The following STXBP5L variants were observed in gnomAD, a reference collection of about 807,000 sequenced individuals.
STXBP5L encodes the protein syntaxin-binding protein 5-like.
A neutral mutation model predicts 144.5 loss-of-function variants in STXBP5L; 65 were observed. The ratio of observed to expected loss-of-function variants is 0.45; its 90% confidence interval spans 0.37 to 0.55. The LOEUF (loss-of-function observed/expected upper bound fraction) is 0.55. Ranked by LOEUF, STXBP5L falls within the 20% of genes least tolerant of loss-of-function variation. The pLI, the probability that STXBP5L is intolerant of heterozygous loss-of-function variation, is 0.00. For missense variants in STXBP5L, 1,298 were observed against 1,405.5 expected (o/e 0.92, Z 1.22); for synonymous variants, 505 against 469.6 (o/e 1.08, Z -0.97).
intron 3 of STXBP5L, among the ~76,000 whole-genome samples, chr3:121,032,425 A>C (rs557389249): frequency 5.9e-5 from 9 of 152,148 alleles, no homozygotes; most frequent in Non-Finnish European, 1.3e-4. Context: ...TCGTGACCTT[A>C]TTAGCCACTA....
intron 3 of STXBP5L, among the ~76,000 whole-genome samples, chr3:121,031,988 A>T (rs1946402789): frequency 1.3e-5 from 2 of 152,276 alleles, no homozygotes. Flanking sequence ...CCAGTTTGTT[A>T]CGTGCTAAGT....
Position 121,318,493 on chromosome 3 carries a change from A to C in STXBP5L, c.2129A>C (p.Asp710Ala), listed in dbSNP as rs767116196. 3.8e-6 allele frequency: 6 copies of C among 1,562,698 alleles called. No homozygotes were observed. The highest frequency in any genetic ancestry group is 8.6e-7 in the Non-Finnish European group (1 of 1,156,132). Reference protein sequence around the residue: ...QFIAGLTELNDSPVPLELERC... With the variant: ...QFIAGLTELNASPVPLELERC... ...TTTTCAGGTTTAACTGAACTGAATG[A>C]CAGTCCAGTTCCCCTAGAACTTGAG... Residue 710 changes from aspartate (D) to alanine (A), a missense_variant, in exon 20 of 27, where the codon GAC becomes GCC. Physicochemically the swap from Asp to Ala is moderately radical, Grantham distance 126. Coordinates refer to ENST00000471454, the MANE Select transcript of STXBP5L (RefSeq NM_001308330.2).
At position 121,053,014 on chromosome 3, in the gene STXBP5L, A is replaced by C. The variant is rs369209623; in HGVS notation, c.470+7479A>C. On this transcript the variant is annotated intron_variant, in intron 5 of 26. Transcript: ENST00000471454. ...ATTCACAATTGCTTCAAAGAGAATA[A>C]AATACCTTGGAATCCACCTTACAGG... Among the ~76,000 whole-genome samples the C allele has an allele frequency of 5.9e-5, 9 of 152,336 alleles. No individual in the cohort carries two copies. In the South Asian group the frequency reaches 1.7e-3, roughly 28 times the overall value.
chr3:121,244,647 A>C (rs2049782828), intron 14 of STXBP5L, among the ~76,000 whole-genome samples: 1 of 152,156 alleles, frequency 6.6e-6, no homozygotes, highest in South Asian at 2.1e-4. Flanking sequence ...AAACTGTCGA[A>C]AATCAAAAAC....
intron 3 of STXBP5L, among the ~76,000 whole-genome samples, chr3:120,969,223 A>G (rs776383514): frequency 1.1e-4 from 16 of 151,350 alleles, no homozygotes; most frequent in Admixed American, 5.3e-4. Context: ...TTAACTTTTA[A>G]TTTATAGCCA....
intron 5 of STXBP5L, among the ~76,000 whole-genome samples, chr3:121,096,980 A>T (rs539146790): frequency 6.6e-6 from 1 of 152,168 alleles, no homozygotes; most frequent in Non-Finnish European, 1.5e-5. Flanking sequence ...TCCCAGGGAC[A>T]TGGGGGTTTT....
chr3:121,206,151 A>G (rs553187748), intron 10 of STXBP5L, 150 bp downstream of exon 10: 14 of 433,288 alleles, frequency 3.2e-5, no homozygotes, highest in East Asian at 3.1e-4. Flanking sequence ...TCTCATAGAC[A>G]TATCTCTGAT....
chr3:121,059,623 C>T (rs780364145), intron 5 of STXBP5L, among the ~76,000 whole-genome samples: 12 of 152,016 alleles, frequency 7.9e-5, no homozygotes, highest in Admixed American at 6.6e-5. Context: ...AATGTTTTTC[C>T]GTTTGTTTGT....
chr3:120,978,082 A>G (rs1367571067), intron 3 of STXBP5L, among the ~76,000 whole-genome samples: 10 of 152,208 alleles, frequency 6.6e-5, no homozygotes, highest in African/African-American at 2.2e-4. Context: ...CTGAATGTGA[A>G]TGTTGGCCTG....
At chr3:121,034,545 CATCT>C (rs879605083) in intron 3 of STXBP5L, among the ~76,000 whole-genome samples, 14 of 149,710 alleles carry the variant, frequency 9.4e-5, no homozygotes, top group South Asian at 2.1e-4. Flanking sequence ...ATCTATCTAT[CATCT>C]ATCTATCCAT....
intron 20 of STXBP5L, among the ~76,000 whole-genome samples, chr3:121,335,453 A>G (rs1410355961): frequency 6.6e-6 from 1 of 152,176 alleles, no homozygotes; most frequent in Non-Finnish European, 1.5e-5. Context: ...AAAACTATTT[A>G]AAATTGATAT....
chr3:121,242,674 C>T (rs552542098), intron 14 of STXBP5L, among the ~76,000 whole-genome samples: 1 of 151,858 alleles, frequency 6.6e-6, no homozygotes, highest in South Asian at 2.1e-4. Context: ...TACTTCCATT[C>T]AAATATAGAG....
At chr3:121,367,651 T>A (rs541808310) in intron 20 of STXBP5L, among the ~76,000 whole-genome samples, 22 of 128,590 alleles carry the variant, frequency 1.7e-4, no homozygotes, top group African/African-American at 6.3e-4. Context: ...TCACCCAGAA[T>A]AGAATGTAGT....
intron 9 of STXBP5L, among the ~76,000 whole-genome samples, chr3:121,163,526 A>T (rs770654731): frequency 3.9e-5 from 6 of 152,144 alleles, no homozygotes; most frequent in Non-Finnish European, 8.8e-5. Context: ...CCACCATGGC[A>T]CATGATTACC....
At chr3:121,170,759 G>A (rs1021380899) in intron 9 of STXBP5L, among the ~76,000 whole-genome samples, 1 of 151,842 alleles carries the variant, frequency 6.6e-6, no homozygotes, top group African/African-American at 2.4e-5. Context: ...ATTCTCCCAG[G>A]GTACAAAGAG....
intron 7 of STXBP5L, among the ~76,000 whole-genome samples, chr3:121,150,885 C>T (rs943248873): frequency 5.9e-5 from 9 of 151,876 alleles, no homozygotes; most frequent in Non-Finnish European, 7.4e-5. Flanking sequence ...GTCAGGAGTT[C>T]GAAACCAGCC....
Position 121,050,471 on chromosome 3 carries a change from A to T in STXBP5L, c.470+4936A>T, listed in dbSNP as rs574858397. On this transcript the variant is annotated intron_variant, in intron 5 of 26. Coordinates refer to ENST00000471454, the MANE Select transcript of STXBP5L (RefSeq NM_001308330.2). The stretch of plus-strand genomic sequence containing the variant: ...AAGAATTTTCAACCCAGAATTTCAT[A>T]TCCAGCCAAACTAAGCTTCATAATT... 2.0e-5 allele frequency among the ~76,000 whole-genome samples: 3 copies of T among 152,326 alleles called. No individual in the cohort carries two copies. In the South Asian group the frequency reaches 6.2e-4, roughly 32 times the overall value.
chr3:121,243,918 T>C (rs1436260439), intron 14 of STXBP5L, among the ~76,000 whole-genome samples: 1 of 152,162 alleles, frequency 6.6e-6, no homozygotes, highest in East Asian at 1.9e-4. Context: ...CTGATGTTAG[T>C]TCTGTTCAGA....
intron 12 of STXBP5L, among the ~76,000 whole-genome samples, chr3:121,234,678 A>G (rs2049416997): frequency 6.6e-6 from 1 of 151,458 alleles, no homozygotes; most frequent in Admixed American, 6.6e-5. Context: ...GTTCTTCCTC[A>G]TACTAATTTG....
Sources: gnomAD v4.1 joint callset for allele counts (sites outside exome capture counted in the v4.1 genomes callset) on GRCh38, gnomAD v4.1.1 for gene constraint, MANE v1.5 for transcripts, NCBI Gene and HGNC (gene_info 2026-07-23, HGNC 2026-07-21) for gene names.